The following AGAP2 variants were observed in gnomAD, a reference collection of about 807,000 sequenced individuals.
AGAP2 encodes the protein arf-GAP with GTPase, ANK repeat and PH domain-containing protein 2.
AGAP2 carries 32 observed loss-of-function variants against 110.9 expected under a neutral mutation model. The ratio of observed to expected loss-of-function variants is 0.29; its 90% CI spans 0.22 to 0.39. AGAP2 has a LOEUF of 0.39. Ranked by LOEUF, AGAP2 falls within the 10% of genes least tolerant of loss-of-function variation. The pLI is 1.00. For synonymous variants in AGAP2, 702 were observed against 713.0 expected, an observed-to-expected ratio of 0.98 and a Z score of 0.25; for missense variants, 1,285 against 1,638.5, an observed-to-expected ratio of 0.78 and a Z score of 3.72.
chr12:57,734,474 T>C (rs2140363005), intron 3 of AGAP2, 70 bp from the exon 4 acceptor site: 2 of 1,593,210 alleles, frequency 1.3e-6, no homozygotes, highest in Middle Eastern at 1.7e-4. Context: ...ATGCTCCCAG[T>C]GCTTTTGCTA....
intron 2 of AGAP2, among the ~76,000 whole-genome samples, chr12:57,735,004 GTC>G (rs941035373): frequency 2.0e-5 from 3 of 151,498 alleles, no homozygotes; most frequent in African/African-American, 7.3e-5. Context: ...GTGTGTGTGT[GTC>G]TCTGTGTGTG....
intron 13 of AGAP2, among the ~76,000 whole-genome samples, chr12:57,728,668 C>T (rs865994676): frequency 3.3e-5 from 5 of 152,022 alleles, no homozygotes; most frequent in African/African-American, 9.7e-5. Context: ...TCAAGACCAG[C>T]GAGGAGCTGG....
rs1359303973 is a variant in AGAP2, at chr12:57,727,706, T to C, written c.2832A>G (p.Ser944=). ...IQAIRNAKGN[S]ICVDCGAPNP... The stretch of plus-strand genomic sequence containing the variant: ...TGGGGGCCCCGCAGTCCACGCAGAT[T>C]GAATTCCCCTTGGCGTTCCGGATCG... The change falls in exon 16 of 19, where the codon TCA becomes TCG. Residue 944 remains serine, a synonymous_variant. Coordinates refer to ENST00000547588, the MANE Select transcript of AGAP2 (RefSeq NM_001122772.3). 6.2e-7 allele frequency: 1 copy of C among 1,607,928 alleles called. No individual in the cohort carries two copies. The highest frequency in any genetic ancestry group is 8.5e-7 in the Non-Finnish European group (1 of 1,176,798).
rs1012961404 is a variant in AGAP2 at position 57,738,552 on chromosome 12, G to A, written c.-306C>T. Among the ~76,000 whole-genome samples, 31 of 151,996 alleles carry A rather than the reference G, an allele frequency of 2.0e-4. No homozygotes were observed. The highest frequency in any genetic ancestry group is 7.5e-4 in the African/African-American group (31 of 41,478). ...CGGCCTGGGTGGGGGCGCTGAGATGGGTGGGGGAGGGCGGGGAGGACAGTA... is the reference window on the plus strand; with the variant it reads ...CGGCCTGGGTGGGGGCGCTGAGATGAGTGGGGGAGGGCGGGGAGGACAGTA... On this transcript the variant is annotated 5_prime_UTR_variant, in exon 1 of 19. Coordinates refer to ENST00000547588, the MANE Select transcript of AGAP2 (RefSeq NM_001122772.3). This position sits in a 1 kb window ranked among gnomAD's most constrained non-coding sequence, Gnocchi z 6.7.
intron 6 of AGAP2, 115 bp from the exon 7 acceptor site, chr12:57,732,627 T>C: frequency 7.8e-7 from 1 of 1,288,528 alleles, no homozygotes; most frequent in Non-Finnish European, 1.1e-6. Flanking sequence ...TCCTTGTCAC[T>C]GTGGCCTCCA....
chr12:57,732,113 C>A lies in AGAP2; in HGVS notation c.1795-146G>T, dbSNP rs1019566935. 2.6e-5 allele frequency: 27 copies of A among 1,024,094 alleles called. No homozygotes were observed. The African/African-American group carries it at 4.0e-4, about 15-fold the overall frequency. 63.4% of individuals were successfully genotyped at this position (1,024,094 alleles called of 1,614,324 possible). ...TCATTAATAATTTTTAAAATCCTCA[C>A]TAACATTGTGACAATGCTTTAAATG... On this transcript the variant is annotated intron_variant, in intron 7 of 18. Coordinates refer to ENST00000547588, the MANE Select transcript of AGAP2 (RefSeq NM_001122772.3).
rs758189184 is a variant in AGAP2, at chr12:57,731,359, C to T, written c.2145+7G>A. 9.3e-6 allele frequency: 15 copies of T among 1,608,738 alleles called. No homozygotes were observed. The highest frequency in any genetic ancestry group is 2.2e-5 in the South Asian group (2 of 90,970). On this transcript the variant is annotated splice_region_variant and intron_variant, in intron 10 of 18. Transcript: ENST00000547588. ...CTGGCCAATGTGGCCCAGTCTCTGC[C>T]ACTCACGTTAATACTGGGGTGGTAG... is the stretch of plus-strand genomic sequence containing the variant.
chr12:57,732,953 C>T lies in AGAP2; in HGVS notation c.1576G>A (p.Val526Met). Residue 526 changes from valine (V) to methionine (M), a missense_variant, in exon 6 of 19, where the codon GTG (valine) becomes ATG (methionine). Physicochemically the swap from Val to Met is conservative, Grantham distance 21 (BLOSUM62 1). This residue lies in a region of AGAP2 where 844 missense variants were observed against 941.2 expected (regional missense o/e 0.90). Coordinates refer to ENST00000547588, the MANE Select transcript of AGAP2 (RefSeq NM_001122772.3). ...QDRISASSPR[V>M]VGDARARALC... ...GCTCTGGCACGAGCATCTCCCACCACCCGAGGGGAGGAAGCACTGATCCTG... is the reference window on the plus strand; with the variant it reads ...GCTCTGGCACGAGCATCTCCCACCATCCGAGGGGAGGAAGCACTGATCCTG... 1 of 1,614,042 alleles carries T rather than the reference C, an allele frequency of 6.2e-7. No individual in the cohort carries two copies. The highest frequency in any genetic ancestry group is 1.1e-5 in the South Asian group (1 of 91,084).
In AGAP2 at chr12:57,737,703, G is replaced by A; in HGVS notation, c.544C>T (p.Pro182Ser). The stretch of plus-strand genomic sequence containing the variant: ...CAAGGCTTGGGAGCCGGCGGAGGAG[G>A]CGCCACCTTGAGCCTCCGGCTGCCG... ...GTGSRRLKVA[P>S]PPPAPKPCKT... The change falls in exon 1 of 19, where the codon CCT becomes TCT. Residue 182 changes from proline to serine, a missense_variant. Physicochemically the swap from Pro to Ser is moderately conservative, Grantham distance 74 (BLOSUM62 -1). Coordinates refer to ENST00000547588, the MANE Select transcript of AGAP2 (RefSeq NM_001122772.3). The surrounding 1 kb of genome is among the most constrained non-coding windows in gnomAD (Gnocchi z 5.9). 6.5e-7 allele frequency: 1 copy of A among 1,549,522 alleles called. No homozygotes were observed. Among genetic ancestry groups the A allele is most frequent in the Non-Finnish European group, 8.7e-7 (1 of 1,150,692 alleles).
Position 57,737,332 on chromosome 12 carries a change from G to C in AGAP2, c.915C>G (p.Val305=), listed in dbSNP as rs1955002937. Residue 305 remains valine, a synonymous_variant, in exon 1 of 19, where the codon GTC becomes GTG. Coordinates refer to ENST00000547588, the MANE Select transcript of AGAP2 (RefSeq NM_001122772.3). This position sits in a 1 kb window ranked among gnomAD's most constrained non-coding sequence, Gnocchi z 5.9. ...LPPTPSPATA[V]TAASAQPPGP... is the part of the protein sequence containing the mutation. Reference sequence around the variant, plus strand: ...CGGGGGGCTGCGCGGAAGCAGCGGTGACAGCAGTGGCTGGACTCGGAGTTG... The same window carrying C: ...CGGGGGGCTGCGCGGAAGCAGCGGTCACAGCAGTGGCTGGACTCGGAGTTG... 1.2e-6 allele frequency: 2 copies of C among 1,613,782 alleles called. No individual in the cohort carries two copies. Among genetic ancestry groups the C allele is most frequent in the African/African-American group, 1.3e-5 (1 of 74,948 alleles).
At chr12:57,740,971 A>T (rs1384962625), upstream of AGAP2, among the ~76,000 whole-genome samples, 1 of 152,368 alleles carries the variant, frequency 6.6e-6, no homozygotes, top group African/African-American at 2.4e-5. Flanking sequence ...GAGAAGACTG[A>T]AATGGCTGGA....
upstream of AGAP2, chr12:57,741,865 C>G: frequency 6.3e-7 from 1 of 1,593,292 alleles, no homozygotes; most frequent in Non-Finnish European, 8.6e-7. Context: ...TTCTATGCAC[C>G]TGCTAGTCCC....
upstream of AGAP2, chr12:57,742,151 A>C: frequency 6.6e-7 from 1 of 1,524,534 alleles, no homozygotes; most frequent in Non-Finnish European, 8.9e-7. Context: ...AAACCTCAGA[A>C]GGCCCCTTCT....
Position 57,727,567 on chromosome 12 carries a change from C to G in AGAP2, c.2873G>C (p.Ser958Thr). The part of the protein sequence containing the change: ...DCGAPNPTWA[S>T]LNLGALICIE... ...GCAGATGAGGGCGCCCAGGTTCAAG[C>G]TGGCCCACGTGGGGTCTGCGGAAGG... The change falls in exon 17 of 19, where the codon AGC (serine) becomes ACC (threonine). Residue 958 changes from serine (S) to threonine (T), a missense_variant. Transcript: ENST00000547588. 1 of 1,607,066 alleles carries G rather than the reference C, an allele frequency of 6.2e-7. No individual in the cohort carries two copies. Among genetic ancestry groups the G allele is most frequent in the Non-Finnish European group, 8.5e-7 (1 of 1,178,418 alleles).
rs1244587771 is a variant in AGAP2 at position 57,728,075 on chromosome 12, A to T, written c.2628T>A (p.Phe876Leu). The change falls in exon 15 of 19, where the codon TTT (phenylalanine) becomes TTA (leucine). Residue 876 changes from phenylalanine to leucine, a missense_variant. By Grantham distance (22) the Phe-to-Leu change is conservative. This residue lies in a region of AGAP2 where 135 missense variants were observed against 182.0 expected (regional missense o/e 0.74). Transcript: ENST00000547588. ...LRNIYKAEEN[F>L]EFLIVSSTGQ... The stretch of plus-strand genomic sequence containing the variant: ...CCGTGCTGGACACGATCAGGAACTC[A>T]AAGTTTTCCTCTGAGTGGGGGATGG... The T allele has an allele frequency of 6.3e-7, 1 of 1,595,842 alleles. No individual in the cohort carries two copies. Among genetic ancestry groups the T allele is most frequent in the East Asian group, 2.2e-5 (1 of 44,810 alleles).
rs1377777474 is a variant in AGAP2 at position 57,731,843 on chromosome 12, T to G, written c.1919A>C (p.His640Pro). 1 of 1,597,144 alleles carries G rather than the reference T, an allele frequency of 6.3e-7. No individual in the cohort carries two copies. The change falls in exon 8 of 19, where the codon CAC (histidine) becomes CCC (proline). Residue 640 changes from histidine to proline, a missense_variant. Around this residue, in one of 7 missense-constraint regions of AGAP2, gnomAD observed 844 missense variants for 941.2 expected, o/e 0.90. Transcript: ENST00000547588. ...GCTGGTCCTGCGCTTGGCTGCCCGG[T>G]GCAGGGACCCTGGGGTGCTCAATCC... ...VAGLSTPGSL[H>P]RAAKRRTSLF...
intron 1 of AGAP2, 99 bp downstream of exon 1, chr12:57,736,980 A>G: frequency 6.9e-7 from 1 of 1,440,506 alleles, no homozygotes; most frequent in Non-Finnish European, 9.1e-7. Flanking sequence ...CCCACCCCAG[A>G]GAAAAGCTTC....
Position 57,726,765 on chromosome 12 carries a change from G to A in AGAP2, c.3366C>T (p.Ala1122=). ...WYGADVAARD[A]QGRTALFYAR... ...CGTAGAACAGCGCCGTGCGGCCCTG[G>A]GCGTCACGGGCCGCCACGTCCGCGC... The change falls in exon 19 of 19, where the codon GCC becomes GCT. Residue 1122 remains alanine (A), a synonymous_variant. Transcript: ENST00000547588. This position sits in a 1 kb window ranked among gnomAD's most constrained non-coding sequence, Gnocchi z 5.7. 7.4e-7 allele frequency: 1 copy of A among 1,354,656 alleles called. No individual in the cohort carries two copies. The highest frequency in any genetic ancestry group is 9.5e-7 in the Non-Finnish European group (1 of 1,057,952). 83.9% of individuals were successfully genotyped at this position (1,354,656 alleles called of 1,614,324 possible).
Position 57,730,848 on chromosome 12 carries a change from C to T in AGAP2, c.2251G>A (p.Ala751Thr). The change falls in exon 11 of 19, where the codon GCC (alanine) becomes ACC (threonine). Residue 751 changes from alanine (A) to threonine (T), a missense_variant. Coordinates refer to ENST00000547588, the MANE Select transcript of AGAP2 (RefSeq NM_001122772.3). ...PRAISAFGPSASINGLVKDMS... is the reference protein window; with the variant it reads ...PRAISAFGPSTSINGLVKDMS... ...TCCTTGACGAGCCCGTTAATGCTGG[C>T]TGAGGGGCCAAAGGCAGAGATGGCC... 2 of 1,613,934 alleles carry T rather than the reference C, an allele frequency of 1.2e-6. No individual in the cohort carries two copies. The highest frequency in any genetic ancestry group is 1.7e-4 in the Middle Eastern group (1 of 6,052).
Sources: allele counts gnomAD v4.1 joint callset (sites outside exome capture counted in the v4.1 genomes callset), GRCh38; gene constraint gnomAD v4.1.1; regional missense constraint gnomAD v4.1.1; non-coding constraint Gnocchi (gnomAD v3.1); transcripts MANE v1.5; gene names NCBI Gene and HGNC (gene_info 2026-07-23, HGNC 2026-07-21).